Variants in NAP1L4 observed in about 807,000 individuals in gnomAD.
NAP1L4 encodes the protein nucleosome assembly protein 1 like 4.
NAP1L4 carries 15 observed loss-of-function variants against 58.2 expected under a neutral mutation model. The observed-to-expected ratio is 0.26, with a 90% confidence interval of 0.17 to 0.40. NAP1L4 has a LOEUF of 0.40. Among genes scored for constraint, NAP1L4 ranks in the 10% least tolerant of loss-of-function variants. NAP1L4 has a pLI of 1.00. For missense variants in NAP1L4, 384 were observed against 451.1 expected, an observed-to-expected ratio of 0.85 and a Z score of 1.35; for synonymous variants, 171 against 155.6, an observed-to-expected ratio of 1.10 and a Z score of -0.74.
rs1845900025 is a variant in NAP1L4, at chr11:2,945,618, T to C, written c.*61A>G. 1 of 1,535,906 alleles carries C rather than the reference T, an allele frequency of 6.5e-7. No individual in the cohort carries two copies. Among genetic ancestry groups the C allele is most frequent in the African/African-American group, 1.4e-5 (1 of 73,006 alleles). On this transcript the variant is annotated 3_prime_UTR_variant, in exon 16 of 16. Transcript: ENST00000380542. Reference sequence around the variant, plus strand: ...ACCCGCCTCCGCTTCCTACTGCTGCTTGCATTCCGCCGGCTGGCTGGGTTC... The same window carrying C: ...ACCCGCCTCCGCTTCCTACTGCTGCCTGCATTCCGCCGGCTGGCTGGGTTC...
intron 7 of NAP1L4, 50 bp from the exon 8 acceptor site, chr11:2,964,801 C>T (rs1847161877): frequency 7.3e-7 from 1 of 1,374,404 alleles, no homozygotes; most frequent in South Asian, 1.2e-5. Flanking sequence ...AAAAACAACA[C>T]ATCTCTCCCG....
intron 14 of NAP1L4, among the ~76,000 whole-genome samples, chr11:2,950,384 C>G (rs1222237754): frequency 6.6e-6 from 1 of 152,202 alleles, no homozygotes; most frequent in Admixed American, 6.5e-5. Context: ...CCAGTTTAAA[C>G]CAACTGATGA....
chr11:2,972,131 C>A lies in NAP1L4; in HGVS notation c.286G>T (p.Ala96Ser). 6.3e-7 allele frequency: 1 copy of A among 1,599,924 alleles called. No individual in the cohort carries two copies. The highest frequency in any genetic ancestry group is 8.5e-7 in the Non-Finnish European group (1 of 1,176,174). ...EEVHDLERKY[A>S]ALYQPLFDKR... ...TCAAAGAGAGGCTGGTATAGCGCTGCATACTTTCTTTCCAAGTCATGTACC... is the reference window on the plus strand; with the variant it reads ...TCAAAGAGAGGCTGGTATAGCGCTGAATACTTTCTTTCCAAGTCATGTACC... The change falls in exon 5 of 16, where the codon GCA becomes TCA. Residue 96 changes from alanine (A) to serine (S), a missense_variant. Physicochemically the swap from Ala to Ser is moderately conservative, Grantham distance 99. Transcript: ENST00000380542.
intron 1 of NAP1L4, among the ~76,000 whole-genome samples, chr11:2,986,317 T>C (rs550089831): frequency 6.7e-6 from 1 of 148,226 alleles, no homozygotes; most frequent in Non-Finnish European, 1.5e-5. Context: ...GAGGTTGTAG[T>C]GAGCCAAGAT....
intron 2 of NAP1L4, 81 bp downstream of exon 2, chr11:2,979,120 GATTCTA>G: frequency 7.4e-7 from 1 of 1,358,948 alleles, no homozygotes. Context: ...ATTTAACTTT[GATTCTA>G]ATTATTTATT....
chr11:2,960,103 T>C (rs925895414), intron 8 of NAP1L4, 194 bp from the exon 9 acceptor site: 1 of 580,748 alleles, frequency 1.7e-6, no homozygotes, highest in Non-Finnish European at 3.0e-6. Flanking sequence ...TGGCGGGAAA[T>C]ATCTGTTCAG....
chr11:2,986,318 G>A (rs187136924), intron 1 of NAP1L4, among the ~76,000 whole-genome samples: 210 of 149,490 alleles, frequency 1.4e-3, no homozygotes, highest in African/African-American at 4.5e-3. Flanking sequence ...AGGTTGTAGT[G>A]AGCCAAGATT....
chr11:2,969,990 G>C, intron 6 of NAP1L4, 56 bp from the exon 7 acceptor site: 1 of 1,534,994 alleles, frequency 6.5e-7, no homozygotes, highest in Non-Finnish European at 8.8e-7. Context: ...ACAATGCAGC[G>C]GCTTCACGTA....
intron 15 of NAP1L4, among the ~76,000 whole-genome samples, chr11:2,945,892 A>T (rs1845915202): frequency 6.6e-6 from 1 of 152,144 alleles, no homozygotes; most frequent in South Asian, 2.1e-4. Context: ...TGGCATGTTC[A>T]GCAGGAGGGT....
Position 2,972,197 on chromosome 11 carries a change from G to T in NAP1L4, c.220C>A (p.Gln74Lys). 6.2e-7 allele frequency: 1 copy of T among 1,608,898 alleles called. No individual in the cohort carries two copies. The highest frequency in any genetic ancestry group is 8.5e-7 in the Non-Finnish European group (1 of 1,178,516). The change falls in exon 5 of 16, where the codon CAG (glutamine) becomes AAG (lysine). Residue 74 changes from glutamine to lysine, a missense_variant. This residue lies in a region of NAP1L4 where 4 missense variants were observed against 16.7 expected (regional missense o/e 0.24). Transcript: ENST00000380542. ...GCTTCTATGTGAGCACATCTCACCT[G>T]AAGTTGTTTCAATGCATTAATTCTT... is the stretch of plus-strand genomic sequence containing the variant. ...KRRINALKQL[Q>K]VRCAHIEAKF... is the part of the protein sequence containing the mutation.
Position 2,945,574 on chromosome 11 carries a change from G to T in NAP1L4, c.*105C>A. The T allele has an allele frequency of 6.5e-7, 1 of 1,534,138 alleles. No homozygotes were observed. Among genetic ancestry groups the T allele is most frequent in the South Asian group, 1.2e-5 (1 of 83,950 alleles). On this transcript the variant is annotated 3_prime_UTR_variant, in exon 16 of 16. Coordinates refer to ENST00000380542, the MANE Select transcript of NAP1L4 (RefSeq NM_005969.4). Reference sequence around the variant, plus strand: ...GCCCCGCCCACAGGCCTGGAGTCCCGACAGCCGGTCTGCCAGGCACCCGCC... The same window carrying T: ...GCCCCGCCCACAGGCCTGGAGTCCCTACAGCCGGTCTGCCAGGCACCCGCC...
chr11:2,989,262 A>C (rs1848817218), intron 1 of NAP1L4: 1 of 152,172 alleles, frequency 6.6e-6, no homozygotes, highest in African/African-American at 2.4e-5. Flanking sequence ...GAAGCCTAAA[A>C]CACTTTTCCC....
Position 2,955,715 on chromosome 11 carries a change from A to G in NAP1L4, c.915+29T>C. ...TTCACTCAGGAGAGACTTCAACAGG[A>G]AAATAAGACTATTAACAACAAATCT... is the stretch of plus-strand genomic sequence containing the variant. On this transcript the variant is annotated intron_variant, in intron 11 of 15. Coordinates refer to ENST00000380542, the MANE Select transcript of NAP1L4 (RefSeq NM_005969.4). The surrounding 1 kb of genome is among the most constrained non-coding windows in gnomAD (Gnocchi z 4.2). 1 of 1,607,308 alleles carries G rather than the reference A, an allele frequency of 6.2e-7. No homozygotes were observed. Among genetic ancestry groups the G allele is most frequent in the Non-Finnish European group, 8.5e-7 (1 of 1,175,088 alleles).
At chr11:2,958,163 C>G in intron 10 of NAP1L4, 1 of 675,734 alleles carries the variant, frequency 1.5e-6, no homozygotes, top group Non-Finnish European at 2.7e-6. Context: ...CAGAGTAAAG[C>G]TCTTCCCTTT....
At chr11:2,969,762 G>T (rs750929242) in intron 7 of NAP1L4, 41 bp downstream of exon 7, 1 of 1,574,950 alleles carries the variant, frequency 6.3e-7, no homozygotes, top group Admixed American at 1.8e-5. Context: ...AATGTTAGAA[G>T]ACTAGCACAT....
At chr11:2,988,740 T>C (rs1240798849) in intron 1 of NAP1L4, among the ~76,000 whole-genome samples, 1 of 152,208 alleles carries the variant, frequency 6.6e-6, no homozygotes, top group Non-Finnish European at 1.5e-5. Flanking sequence ...GAAATGAACA[T>C]ACATTTCGTT....
At chr11:2,963,304 C>T (rs1319787579) in intron 8 of NAP1L4, among the ~76,000 whole-genome samples, 5 of 152,120 alleles carry the variant, frequency 3.3e-5, no homozygotes, top group South Asian at 2.1e-4. Context: ...TGCACACCAA[C>T]GAGGGCAAAC....
At chr11:2,964,579 G>A (rs1564980186) in intron 8 of NAP1L4, 101 bp downstream of exon 8, 2 of 905,520 alleles carry the variant, frequency 2.2e-6, no homozygotes, top group Admixed American at 2.3e-5. Context: ...ATGAGTGGCT[G>A]GGTGTGGGTT....
intron 7 of NAP1L4, among the ~76,000 whole-genome samples, chr11:2,967,855 A>C (rs1397206328): frequency 6.6e-6 from 1 of 152,120 alleles, no homozygotes; most frequent in Non-Finnish European, 1.5e-5. Context: ...ATGAGAAGGG[A>C]CACCCCATTT....
Sources: gnomAD v4.1 joint callset for allele counts (sites outside exome capture counted in the v4.1 genomes callset) on GRCh38, gnomAD v4.1.1 for gene constraint, gnomAD v4.1.1 regional missense constraint, Gnocchi (gnomAD v3.1) non-coding constraint, MANE v1.5 for transcripts, NCBI Gene and HGNC (gene_info 2026-07-23, HGNC 2026-07-21) for gene names.